The following AKR1D1 variants were observed in gnomAD, a reference collection of about 807,000 sequenced individuals.
AKR1D1 encodes aldo-keto reductase family 1 member D1.
In AKR1D1, 32 loss-of-function variants were observed where a neutral mutation model predicts 42.6. The ratio of observed to expected loss-of-function variants is 0.75; its 90% confidence interval spans 0.57 to 1.01. The LOEUF (loss-of-function observed/expected upper bound fraction) is 1.01. Among genes scored for constraint, AKR1D1 ranks in the 50% least tolerant of loss-of-function variants. The probability of loss-of-function intolerance (pLI) is 0.00; values close to 1 mark genes in which losing one functional copy is unlikely to be tolerated. For missense variants in AKR1D1, 364 were observed against 402.2 expected, an observed-to-expected ratio of 0.91 and a Z score of 0.81; for synonymous variants, 123 against 135.5, an observed-to-expected ratio of 0.91 and a Z score of 0.64.
At position 138,107,486 on chromosome 7, in the gene AKR1D1, C is replaced by T; in HGVS notation, c.761C>T (p.Thr254Ile). The change falls in exon 7 of 9, where the codon ACA becomes ATA. Residue 254 changes from threonine to isoleucine, a missense_variant. Physicochemically the swap from Thr to Ile is moderately conservative, Grantham distance 89 (BLOSUM62 -1). Transcript: ENST00000242375. ...TCATTGGGGAAAAGGTACAATAAGA[C>T]AGCAGCTCAAATTGTTTTGCGTTTC... is the stretch of plus-strand genomic sequence containing the variant. ...LNSLGKRYNK[T>I]AAQIVLRFNI... The T allele has an allele frequency of 1.2e-6, 2 of 1,614,084 alleles. No homozygotes were observed. Among genetic ancestry groups the T allele is most frequent in the Non-Finnish European group, 1.7e-6 (2 of 1,179,928 alleles).
At chr7:138,114,520 T>G (rs1794596486) in intron 8 of AKR1D1, among the ~76,000 whole-genome samples, 1 of 151,820 alleles carries the variant, frequency 6.6e-6, no homozygotes, top group African/African-American at 2.4e-5. Context: ...ATTAGCTGGG[T>G]GTAGTGGCAG....
At chr7:138,097,845 T>C in intron 3 of AKR1D1, 21 bp from the exon 4 acceptor site, 2 of 1,435,824 alleles carry the variant, frequency 1.4e-6, no homozygotes, top group Non-Finnish European at 1.9e-6. Context: ...ATTACATTTA[T>C]TCTTTTTTTT....
intron 4 of AKR1D1, among the ~76,000 whole-genome samples, chr7:138,100,309 T>G (rs1391870684): frequency 6.6e-6 from 1 of 151,888 alleles, no homozygotes; most frequent in African/African-American, 2.4e-5. Context: ...ATAATTGCAG[T>G]ATATATAAAT....
At chr7:138,087,019 A>T (rs1042428169) in intron 1 of AKR1D1, among the ~76,000 whole-genome samples, 4 of 152,260 alleles carry the variant, frequency 2.6e-5, no homozygotes, top group Admixed American at 2.6e-4. Context: ...GTGGAATCTG[A>T]AAAATGGTGT....
intron 8 of AKR1D1, among the ~76,000 whole-genome samples, 159 bp downstream of exon 8, chr7:138,113,931 T>A (rs1288660896): frequency 6.6e-6 from 1 of 152,108 alleles, no homozygotes; most frequent in Non-Finnish European, 1.5e-5. Flanking sequence ...GGGAAATACA[T>A]CCACTACAGG....
intron 5 of AKR1D1, 51 bp from the exon 6 acceptor site, chr7:138,106,557 T>TA (rs1459755179): frequency 7.1e-7 from 1 of 1,410,964 alleles, no homozygotes; most frequent in East Asian, 2.3e-5. Flanking sequence ...ACAATTGCAT[T>TA]CAACAACGTG....
Position 138,107,496 on chromosome 7 carries a change from A to G in AKR1D1, c.771A>G (p.Gln257=), listed in dbSNP as rs1794456938. 6.2e-7 allele frequency: 1 copy of G among 1,614,180 alleles called. No homozygotes were observed. The highest frequency in any genetic ancestry group is 8.5e-7 in the Non-Finnish European group (1 of 1,180,014). Residue 257 remains glutamine, a synonymous_variant, in exon 7 of 9, where the codon CAA becomes CAG. Transcript: ENST00000242375. ...AAAGGTACAATAAGACAGCAGCTCA[A>G]ATTGTTTTGCGTTTCAACATCCAGC... ...LGKRYNKTAA[Q]IVLRFNIQRG...
intron 5 of AKR1D1, among the ~76,000 whole-genome samples, chr7:138,105,795 G>T (rs1196551852): frequency 3.3e-5 from 5 of 152,138 alleles, no homozygotes; most frequent in African/African-American, 1.2e-4. Context: ...TGAGGCAGGG[G>T]AATTGCTTAA....
At chr7:138,088,876 G>T in intron 2 of AKR1D1, 108 bp downstream of exon 2, 2 of 1,196,558 alleles carry the variant, frequency 1.7e-6, no homozygotes, top group Non-Finnish European at 2.4e-6. Flanking sequence ...TCATGAGTAG[G>T]CAGTACTTAA....
chr7:138,115,794 A>G (rs1481922891), intron 8 of AKR1D1, among the ~76,000 whole-genome samples: 1 of 152,192 alleles, frequency 6.6e-6, no homozygotes, highest in Non-Finnish European at 1.5e-5. Context: ...TTTACAGACC[A>G]TTTCATCATT....
chr7:138,105,543 T>C, intron 5 of AKR1D1, 114 bp downstream of exon 5: 1 of 1,448,062 alleles, frequency 6.9e-7, no homozygotes. Context: ...CTAAATCTCA[T>C]CATGGGACCC....
intron 2 of AKR1D1, among the ~76,000 whole-genome samples, chr7:138,090,602 G>A (rs1183284215): frequency 6.2e-5 from 9 of 145,666 alleles, no homozygotes; most frequent in Admixed American, 5.0e-4. Context: ...AAGCCACTGC[G>A]CTCCAGCCTC....
intron 6 of AKR1D1, 80 bp downstream of exon 6, chr7:138,106,797 TTTTGG>T: frequency 8.6e-7 from 1 of 1,160,042 alleles, no homozygotes; most frequent in Non-Finnish European, 1.3e-6. Flanking sequence ...TTGGAATGCC[TTTTGG>T]TTTGCCTGTG....
In AKR1D1 at chr7:138,088,603, C is replaced by A; in HGVS notation, c.96C>A (p.Thr32=). Residue 32 remains threonine, a splice_region_variant and synonymous_variant, in exon 2 of 9, where the codon ACC becomes ACA. Coordinates refer to ENST00000242375, the MANE Select transcript of AKR1D1 (RefSeq NM_005989.4). The part of the protein sequence containing the change: ...GLGTYSEPKS[T]PKGACATSVK... ...ACCCAACCTCTTTGTCACTTCAGAC[C>A]CCTAAGGGAGCCTGTGCAACATCGG... is the stretch of plus-strand genomic sequence containing the variant. 1 of 1,614,102 alleles carries A rather than the reference C, an allele frequency of 6.2e-7. No individual in the cohort carries two copies.
rs768685155 is a variant in AKR1D1 at position 138,107,524 on chromosome 7, G to C, written c.799G>C (p.Gly267Arg). The C allele has an allele frequency of 1.2e-6, 2 of 1,614,180 alleles. No homozygotes were observed. The highest frequency in any genetic ancestry group is 8.5e-7 in the Non-Finnish European group (1 of 1,180,014). ...QIVLRFNIQR[G>R]VVVIPKSFNL... ...TGTTTTGCGTTTCAACATCCAGCGA[G>C]GGGTGGTTGTCATTCCTAAAAGCTT... Residue 267 changes from glycine (G) to arginine (R), a missense_variant, in exon 7 of 9, where the codon GGG becomes CGG. By Grantham distance (125) the Gly-to-Arg change is moderately radical. Coordinates refer to ENST00000242375, the MANE Select transcript of AKR1D1 (RefSeq NM_005989.4).
At chr7:138,087,048 G>A (rs1803197197) in intron 1 of AKR1D1, among the ~76,000 whole-genome samples, 2 of 152,330 alleles carry the variant, frequency 1.3e-5, no homozygotes, top group South Asian at 4.1e-4. Context: ...ATTTTGTGCT[G>A]CTGTAACAGA....
intron 1 of AKR1D1, among the ~76,000 whole-genome samples, chr7:138,080,784 C>T (rs1803037046): frequency 6.6e-6 from 1 of 152,020 alleles, no homozygotes; most frequent in Non-Finnish European, 1.5e-5. Flanking sequence ...AAAATTCCAT[C>T]ATTCCTAGTT....
chr7:138,099,006 GT>G (rs572290102), intron 4 of AKR1D1, among the ~76,000 whole-genome samples: 168 of 151,512 alleles, frequency 1.1e-3, no homozygotes, highest in African/African-American at 3.4e-3. Context: ...ACCTCTGGCA[GT>G]TTTTTTTTCC....
intron 1 of AKR1D1, among the ~76,000 whole-genome samples, chr7:138,077,457 G>A (rs537048948): frequency 2.6e-5 from 4 of 152,234 alleles, no homozygotes; most frequent in South Asian, 2.1e-4. Flanking sequence ...CCTCTCCCTC[G>A]GTCCCTCCCA....
Sources: allele counts gnomAD v4.1 joint callset (sites outside exome capture counted in the v4.1 genomes callset), GRCh38; gene constraint gnomAD v4.1.1; transcripts MANE v1.5; gene names NCBI Gene and HGNC (gene_info 2026-07-23, HGNC 2026-07-21).